DBX2: variants seen among roughly 807,000 people sequenced by gnomAD.
DBX2 encodes developing brain homeobox 2.
In DBX2, 16 loss-of-function variants were observed where a neutral mutation model predicts 17.7. That is an observed-to-expected ratio of 0.90 (90% confidence interval 0.61 to 1.37). The LOEUF (loss-of-function observed/expected upper bound fraction) is 1.37, where lower values mean the gene tolerates loss of function less well. Among genes scored for constraint, DBX2 ranks in the 40% most tolerant of loss-of-function variants. DBX2 has a pLI of 0.00. For synonymous variants in DBX2, 255 were observed against 183.8 expected (o/e 1.39, Z -3.13); for missense variants, 538 against 433.8 (o/e 1.24, Z -2.13).
chr12:45,050,395 G>C, intron 1 of DBX2, 130 bp downstream of exon 1: 1 of 1,293,168 alleles, frequency 7.7e-7, no homozygotes, highest in Non-Finnish European at 1.0e-6. Context: ...ACTAAAGCTC[G>C]AGATGCTCCA....
chr12:45,025,291 T>C (rs562914529), intron 2 of DBX2, among the ~76,000 whole-genome samples: 1 of 152,092 alleles, frequency 6.6e-6, no homozygotes, highest in African/African-American at 2.4e-5. Flanking sequence ...TGCTTTGAGG[T>C]TGGAGGAAGA....
At chr12:45,045,945 C>T (rs960150545) in intron 1 of DBX2, among the ~76,000 whole-genome samples, 5 of 152,142 alleles carry the variant, frequency 3.3e-5, no homozygotes, top group East Asian at 1.9e-4. Context: ...CCCTCAAATC[C>T]CTAAAGGAAT....
chr12:45,018,335 C>T (rs1946333997), intron 3 of DBX2, among the ~76,000 whole-genome samples: 1 of 151,970 alleles, frequency 6.6e-6, no homozygotes, highest in Non-Finnish European at 1.5e-5. Flanking sequence ...CAAGTGATAT[C>T]TCAAAGAAAA....
At chr12:45,024,280 C>T (rs1376386197) in intron 2 of DBX2, among the ~76,000 whole-genome samples, 2 of 152,174 alleles carry the variant, frequency 1.3e-5, no homozygotes, top group Non-Finnish European at 1.5e-5. Context: ...CCTTCTCCCA[C>T]GATTGTCAGT....
chr12:45,021,923 G>A (rs1946354396), intron 3 of DBX2, among the ~76,000 whole-genome samples: 1 of 136,636 alleles, frequency 7.3e-6, no homozygotes. Context: ...AGCTTCTGAG[G>A]TGCACAGACT....
chr12:45,030,013 C>T lies in DBX2; in HGVS notation c.499+6006G>A, dbSNP rs528497020. Among the ~76,000 whole-genome samples the T allele has an allele frequency of 2.1e-4, 32 of 152,178 alleles. No homozygotes were observed. The South Asian group carries it at 6.7e-3, about 32-fold the overall frequency. On this transcript the variant is annotated intron_variant, in intron 2 of 3. Transcript: ENST00000332700. ...TGGATCCTGACATGCTCCCTAATTG[C>T]CGTCTTCCCCAGCAGCCCTGTATGA...
At chr12:45,027,767 T>C (rs1480902739) in intron 2 of DBX2, among the ~76,000 whole-genome samples, 1 of 152,248 alleles carries the variant, frequency 6.6e-6, no homozygotes, top group Non-Finnish European at 1.5e-5. Flanking sequence ...TTAAGTTTGG[T>C]TCTATTTTCT....
At chr12:45,045,041 A>C (rs1946492417) in intron 1 of DBX2, among the ~76,000 whole-genome samples, 1 of 152,186 alleles carries the variant, frequency 6.6e-6, no homozygotes, top group Non-Finnish European at 1.5e-5. Flanking sequence ...TTTCTTACTA[A>C]GAGAGTATAA....
chr12:45,038,169 AAT>A (rs1946450434), intron 1 of DBX2, among the ~76,000 whole-genome samples: 1 of 152,042 alleles, frequency 6.6e-6, no homozygotes, highest in South Asian at 2.1e-4. Context: ...AGAAAGAAGA[AAT>A]ATAAAAGTTG....
At chr12:45,033,650 C>A (rs2137025724) in intron 2 of DBX2, among the ~76,000 whole-genome samples, 1 of 152,196 alleles carries the variant, frequency 6.6e-6, no homozygotes. Flanking sequence ...ATATGAAATT[C>A]ATTTTAGAGT....
chr12:45,016,862 C>T (rs1239765284), intron 3 of DBX2, among the ~76,000 whole-genome samples: 2 of 152,108 alleles, frequency 1.3e-5, no homozygotes, highest in East Asian at 3.9e-4. Flanking sequence ...CAGCTCACTG[C>T]AACCTCCGCC....
intron 2 of DBX2, among the ~76,000 whole-genome samples, chr12:45,032,570 C>G (rs994463516): frequency 6.6e-6 from 1 of 152,136 alleles, no homozygotes; most frequent in South Asian, 2.1e-4. Flanking sequence ...TTTCTGCCTT[C>G]AACACAATCT....
At chr12:45,046,885 C>CT (rs1946503381) in intron 1 of DBX2, among the ~76,000 whole-genome samples, 1 of 152,168 alleles carries the variant, frequency 6.6e-6, no homozygotes. Flanking sequence ...GGCAAAACTA[C>CT]TTTTTAAAAC....
At chr12:45,041,979 T>C (rs1027584185) in intron 1 of DBX2, among the ~76,000 whole-genome samples, 2 of 152,204 alleles carry the variant, frequency 1.3e-5, no homozygotes, top group Non-Finnish European at 2.9e-5. Context: ...ACTGTGCACA[T>C]CCATAGCCAG....
chr12:45,019,443 T>G (rs893570206), intron 3 of DBX2, among the ~76,000 whole-genome samples: 1 of 152,104 alleles, frequency 6.6e-6, no homozygotes, highest in African/African-American at 2.4e-5. Context: ...TGGCAACATT[T>G]TTAAAATCAT....
intron 1 of DBX2, among the ~76,000 whole-genome samples, chr12:45,047,401 A>T (rs1438030820): frequency 6.6e-6 from 1 of 152,108 alleles, no homozygotes; most frequent in Non-Finnish European, 1.5e-5. Context: ...ATATTGCCCT[A>T]AATGTGCCCC....
At chr12:45,029,467 A>C (rs1946397557) in intron 2 of DBX2, among the ~76,000 whole-genome samples, 1 of 152,250 alleles carries the variant, frequency 6.6e-6, no homozygotes, top group Non-Finnish European at 1.5e-5. Context: ...AAGCAGAGGG[A>C]GGCAAATCAA....
In DBX2 at chr12:45,035,602, T is replaced by C. The variant is rs144479209; in HGVS notation, c.499+417A>G. 3.3e-3 allele frequency among the ~76,000 whole-genome samples: 501 copies of C among 152,334 alleles called. 4 individuals carry two copies. Among genetic ancestry groups the C allele is most frequent in the African/African-American group, 0.01 (436 of 41,564 alleles). On this transcript the variant is annotated intron_variant, in intron 2 of 3. Coordinates refer to ENST00000332700, the MANE Select transcript of DBX2 (RefSeq NM_001004329.3). ...TCACGATCTTGACAATTTTAAATTA[T>C]TCTCCATAGACACTTAGTGACTTTC...
At chr12:45,050,382 T>G in intron 1 of DBX2, 143 bp downstream of exon 1, 1 of 1,170,556 alleles carries the variant, frequency 8.5e-7, no homozygotes, top group Non-Finnish European at 1.2e-6. Context: ...AAGTGGCATC[T>G]CCACTAAAGC....
Sources: allele counts gnomAD v4.1 joint callset (sites outside exome capture counted in the v4.1 genomes callset), GRCh38; gene constraint gnomAD v4.1.1; transcripts MANE v1.5; gene names NCBI Gene and HGNC (gene_info 2026-07-23, HGNC 2026-07-21).